DIP2C: variants seen among roughly 807,000 people sequenced by gnomAD.
The protein encoded by DIP2C is DIP2 acetate--CoA ligase C (putative).
DIP2C carries 33 observed loss-of-function variants against 192.4 expected under a neutral mutation model. The observed-to-expected ratio is 0.17, with a 90% confidence interval of 0.13 to 0.23. The LOEUF is 0.23. DIP2C is among the 10% of genes least tolerant of loss of function. The probability of loss-of-function intolerance (pLI) is 1.00; values close to 1 mark genes in which losing one functional copy is unlikely to be tolerated. For missense variants in DIP2C, 1,537 were observed against 2,110.1 expected (o/e 0.73, Z 5.32); for synonymous variants, 979 against 864.1 (o/e 1.13, Z -2.33).
chr10:628,498 GGACA>G (rs1267584251), intron 1 of DIP2C: 7 of 152,262 alleles, frequency 4.6e-5, no homozygotes, highest in African/African-American at 7.2e-5. Context: ...AGAGAGGGTG[GGACA>G]GAGACACAAA....
intron 1 of DIP2C, among the ~76,000 whole-genome samples, chr10:576,316 T>C (rs546076425): frequency 6.6e-6 from 1 of 152,296 alleles, no homozygotes; most frequent in East Asian, 1.9e-4. Flanking sequence ...ACTCGAGCAC[T>C]CACTGACTCT....
chr10:551,497 C>T (rs1204932529), intron 1 of DIP2C, among the ~76,000 whole-genome samples: 2 of 127,986 alleles, frequency 1.6e-5, no homozygotes, highest in African/African-American at 9.8e-5. Flanking sequence ...AGCAGGATCC[C>T]AAAAGCCCTT....
At chr10:279,505 C>T (rs770570031) in intron 36 of DIP2C, among the ~76,000 whole-genome samples, 26 of 152,172 alleles carry the variant, frequency 1.7e-4, no homozygotes, top group Non-Finnish European at 3.5e-4. Flanking sequence ...GAGCTGTGCA[C>T]GCTATTTAAT....
rs778706985 is a variant in DIP2C at position 419,198 on chromosome 10, T to C, written c.606A>G (p.Glu202=). 1.2e-6 allele frequency: 2 copies of C among 1,614,220 alleles called. No individual in the cohort carries two copies. Among genetic ancestry groups the C allele is most frequent in the Non-Finnish European group, 1.7e-6 (2 of 1,180,036 alleles). The change falls in exon 6 of 37, where the codon GAA becomes GAG. Residue 202 remains glutamate, a splice_region_variant and synonymous_variant. Coordinates refer to ENST00000280886, the MANE Select transcript of DIP2C (RefSeq NM_014974.3). The part of the protein sequence containing the change: ...LADVMAQTHI[E]NHSAPPDVTT... ...TTACGTCAGGAGGTGCAGAATGATT[T>C]TCTGTAAAGAAACACATCATGAGAT...
chr10:367,697 G>T (rs1007247114), intron 18 of DIP2C, among the ~76,000 whole-genome samples: 2 of 152,128 alleles, frequency 1.3e-5, no homozygotes, highest in Non-Finnish European at 2.9e-5. Context: ...TTCACCAAAC[G>T]GGGGGGCTCA....
intron 16 of DIP2C, 122 bp downstream of exon 16, chr10:383,905 T>G (rs1287052197): frequency 7.4e-5 from 96 of 1,297,990 alleles, no homozygotes; most frequent in Non-Finnish European, 9.2e-5. Flanking sequence ...AAAATCAAAG[T>G]GCAAAGAATG....
At chr10:463,546 C>A (rs1969962064) in intron 3 of DIP2C, among the ~76,000 whole-genome samples, 1 of 151,734 alleles carries the variant, frequency 6.6e-6, no homozygotes, top group South Asian at 2.1e-4. Flanking sequence ...GGAAGAATAT[C>A]ATGAAAATGG....
intron 1 of DIP2C, among the ~76,000 whole-genome samples, chr10:559,103 T>A (rs2130987323): frequency 6.6e-6 from 1 of 152,310 alleles, no homozygotes; most frequent in East Asian, 1.9e-4. Flanking sequence ...ACATTAAAAG[T>A]AAAATTTCTC....
intron 32 of DIP2C, among the ~76,000 whole-genome samples, chr10:291,740 T>G (rs1955507139): frequency 6.6e-6 from 1 of 152,162 alleles, no homozygotes; most frequent in Admixed American, 6.5e-5. Context: ...TTGGGCAAAT[T>G]AAATGAGCTA....
At chr10:632,999 A>G (rs1854610987) in intron 1 of DIP2C, among the ~76,000 whole-genome samples, 1 of 152,232 alleles carries the variant, frequency 6.6e-6, no homozygotes, top group Non-Finnish European at 1.5e-5. Flanking sequence ...CTCAGACGCA[A>G]CGGCACCCTC....
At chr10:440,788 C>T (rs1564715345) in intron 4 of DIP2C, 83 bp downstream of exon 4, 5 of 1,503,210 alleles carry the variant, frequency 3.3e-6, no homozygotes, top group South Asian at 1.4e-5. Flanking sequence ...ATTTTGAAAG[C>T]AAAAACCCCT....
chr10:373,231 A>C (rs1961201773), intron 17 of DIP2C, among the ~76,000 whole-genome samples: 1 of 152,204 alleles, frequency 6.6e-6, no homozygotes, highest in African/African-American at 2.4e-5. Context: ...AAAACTTAGA[A>C]GCAAACAGCA....
At chr10:586,970 T>C (rs533734584) in intron 1 of DIP2C, among the ~76,000 whole-genome samples, 2 of 149,368 alleles carry the variant, frequency 1.3e-5, no homozygotes, top group African/African-American at 2.5e-5. Flanking sequence ...AAGGCCAGAC[T>C]ACCCGGGTCC....
chr10:687,198 G>C (rs980054829), intron 1 of DIP2C, among the ~76,000 whole-genome samples: 21 of 152,202 alleles, frequency 1.4e-4, no homozygotes, highest in African/African-American at 4.8e-4. Flanking sequence ...AAGAAACACA[G>C]AATTTTGATC....
At chr10:486,632 G>A in intron 1 of DIP2C, 102 bp from the exon 2 acceptor site, 1 of 944,536 alleles carries the variant, frequency 1.1e-6, no homozygotes, top group Non-Finnish European at 1.5e-6. Context: ...TCTTCTGTGT[G>A]CCTCATTGTT....
intron 1 of DIP2C, among the ~76,000 whole-genome samples, chr10:656,205 G>A (rs867663859): frequency 6.8e-6 from 1 of 147,920 alleles, no homozygotes; most frequent in Non-Finnish European, 1.5e-5. Flanking sequence ...TTGTCCTATT[G>A]TACACTATAC....
chr10:449,568 C>T (rs1323831185), intron 3 of DIP2C, among the ~76,000 whole-genome samples: 1 of 137,098 alleles, frequency 7.3e-6, no homozygotes, highest in Non-Finnish European at 1.5e-5. Flanking sequence ...GTAAGGCAGC[C>T]TATTCTTGTG....
intron 1 of DIP2C, among the ~76,000 whole-genome samples, chr10:546,183 G>GC (rs1243890356): frequency 6.6e-6 from 1 of 151,612 alleles, no homozygotes; most frequent in African/African-American, 2.4e-5. Flanking sequence ...CTGGGAGGCT[G>GC]AGGCAGGAGA....
intron 1 of DIP2C, among the ~76,000 whole-genome samples, chr10:606,577 G>A (rs1023724953): frequency 6.8e-6 from 1 of 147,634 alleles, no homozygotes; most frequent in Non-Finnish European, 1.5e-5. Context: ...GGGATCTCTC[G>A]CCCCGCTGCC....
Sources: allele counts gnomAD v4.1 joint callset (sites outside exome capture counted in the v4.1 genomes callset), GRCh38; gene constraint gnomAD v4.1.1; transcripts MANE v1.5; gene names NCBI Gene and HGNC (gene_info 2026-07-23, HGNC 2026-07-21).